Variants in SLC23A2 observed in about 807,000 individuals in gnomAD.
SLC23A2 encodes the protein Na(+)/L-ascorbic acid transporter 2.
Under a neutral mutation model 73.3 loss-of-function variants are expected in SLC23A2, and 36 were observed. That is an observed-to-expected ratio of 0.49 (90% CI 0.38 to 0.65). The LOEUF (loss-of-function observed/expected upper bound fraction) is 0.65. SLC23A2 is among the 30% of genes least tolerant of loss of function. The probability of loss-of-function intolerance (pLI) is 0.00; values close to 1 mark genes in which losing one functional copy is unlikely to be tolerated. For missense variants in SLC23A2, 507 were observed against 841.6 expected (o/e 0.60, Z 4.92); for synonymous variants, 343 against 327.3 (o/e 1.05, Z -0.52).
chr20:4,980,826 C>T (rs1044063280), intron 1 of SLC23A2, among the ~76,000 whole-genome samples: 3 of 152,108 alleles, frequency 2.0e-5, no homozygotes, highest in Admixed American at 6.6e-5. Flanking sequence ...GCCACCGCGC[C>T]CAGCCACAGT....
At chr20:4,988,998 A>G (rs1291359323) in intron 1 of SLC23A2, among the ~76,000 whole-genome samples, 1 of 152,012 alleles carries the variant, frequency 6.6e-6, no homozygotes, top group East Asian at 1.9e-4. Flanking sequence ...GCACTTTGGG[A>G]GGCCGAGGCG....
At chr20:4,873,384 GAATGT>G (rs1227679573) in intron 11 of SLC23A2, among the ~76,000 whole-genome samples, 3 of 152,070 alleles carry the variant, frequency 2.0e-5, no homozygotes, top group Non-Finnish European at 4.4e-5. Flanking sequence ...CCCAGCTAGG[GAATGT>G]ATTCACACCC....
At chr20:4,913,576 A>G (rs1000431129) in intron 3 of SLC23A2, among the ~76,000 whole-genome samples, 10 of 152,196 alleles carry the variant, frequency 6.6e-5, no homozygotes, top group African/African-American at 2.4e-4. Flanking sequence ...ACTGTTTATA[A>G]TAACAAATAA....
chr20:4,866,551 T>C (rs1930208508), intron 13 of SLC23A2, among the ~76,000 whole-genome samples: 1 of 152,146 alleles, frequency 6.6e-6, no homozygotes, highest in Non-Finnish European at 1.5e-5. Flanking sequence ...TCAGACAACC[T>C]TCCCTCACAT....
At chr20:4,977,239 T>G (rs74907201) in intron 1 of SLC23A2, among the ~76,000 whole-genome samples, 1 of 152,194 alleles carries the variant, frequency 6.6e-6, no homozygotes, top group Admixed American at 6.6e-5. Context: ...TTTATGAACA[T>G]GACTTCTTCA....
chr20:4,874,121 G>C, intron 10 of SLC23A2, 29 bp from the exon 11 acceptor site: 1 of 1,602,664 alleles, frequency 6.2e-7, no homozygotes. Context: ...AGCTCTGTCA[G>C]GCCAGCAGGG....
chr20:4,882,897 G>A (rs1447491841), intron 9 of SLC23A2, among the ~76,000 whole-genome samples: 1 of 152,142 alleles, frequency 6.6e-6, no homozygotes, highest in Non-Finnish European at 1.5e-5. Context: ...TTAAATTCCA[G>A]AGTAATGGAA....
chr20:4,918,535 A>G (rs1381062371), intron 3 of SLC23A2, among the ~76,000 whole-genome samples: 2 of 152,188 alleles, frequency 1.3e-5, no homozygotes, highest in Non-Finnish European at 2.9e-5. Flanking sequence ...CAATGGTATT[A>G]AAGTACTTAT....
chr20:4,980,529 TTTC>T (rs2087709536), intron 1 of SLC23A2, among the ~76,000 whole-genome samples: 1 of 151,918 alleles, frequency 6.6e-6, no homozygotes. Context: ...TTACTTTCTT[TTTC>T]TTTTCTTTTT....
intron 3 of SLC23A2, among the ~76,000 whole-genome samples, chr20:4,923,169 G>A (rs1407323183): frequency 6.6e-6 from 1 of 151,266 alleles, no homozygotes; most frequent in African/African-American, 2.4e-5. Context: ...CACTTTGGGA[G>A]GCCAAGGTGG....
chr20:4,985,881 T>G (rs2087818097), intron 1 of SLC23A2, among the ~76,000 whole-genome samples: 1 of 152,074 alleles, frequency 6.6e-6, no homozygotes, highest in South Asian at 2.1e-4. Flanking sequence ...AGCCAGATGG[T>G]AGTGGTTATG....
At chr20:4,988,594 G>A (rs941214092) in intron 1 of SLC23A2, among the ~76,000 whole-genome samples, 1 of 151,936 alleles carries the variant, frequency 6.6e-6, no homozygotes, top group Non-Finnish European at 1.5e-5. Flanking sequence ...AAATTTGCCA[G>A]GCATGGTGGC....
chr20:4,891,984 G>C (rs1383878080), intron 6 of SLC23A2, among the ~76,000 whole-genome samples: 2 of 152,008 alleles, frequency 1.3e-5, no homozygotes, highest in African/African-American at 4.8e-5. Context: ...GAACTTCGGG[G>C]CTCAAGTGAT....
rs66936551 is a variant in SLC23A2 at position 4,859,244 on chromosome 20, T to TA, written c.1720+44dup. 4,442 of 1,114,486 alleles carry TA rather than the reference T, an allele frequency of 4.0e-3. 34 individuals are homozygous for TA. Among genetic ancestry groups the TA allele is most frequent in the African/African-American group, 0.017 (928 of 53,774 alleles). The allele number at this position is 1,114,486 out of a possible 1,614,324, so 69.0% of individuals were successfully genotyped here. ...TTGGCAAAAAAAGTAACACATATGT[T>TA]AAAAAATAAAAAAAAAAAAAGTGTG... On this transcript the variant is annotated intron_variant, in intron 16 of 16. Transcript: ENST00000338244.
chr20:4,899,476 C>T lies in SLC23A2; in HGVS notation c.482+79G>A. The T allele has an allele frequency of 1.3e-6, 2 of 1,518,224 alleles. No homozygotes were observed. Among genetic ancestry groups the T allele is most frequent in the Non-Finnish European group, 1.8e-6 (2 of 1,100,456 alleles). The allele number at this position is 1,518,224 out of a possible 1,614,324, so 94.0% of individuals were successfully genotyped here. A position where few individuals can be genotyped will look rare whatever the true frequency, so the allele number is the denominator to read the frequency against. Reference sequence around the variant, plus strand: ...TTCTGTCCTTGCCAACAGCCCTAGGCAAACGGCGCAGCTCAATGCCTTCTG... The same window carrying T: ...TTCTGTCCTTGCCAACAGCCCTAGGTAAACGGCGCAGCTCAATGCCTTCTG... On this transcript the variant is annotated intron_variant, in intron 6 of 16. Transcript: ENST00000338244. The surrounding 1 kb of genome is among the most constrained non-coding windows in gnomAD (Gnocchi z 4.9).
Position 4,872,244 on chromosome 20 carries a change from GA to G in SLC23A2, c.1102+1691del, listed in dbSNP as rs1600086614. Among the ~76,000 whole-genome samples, 1 of 152,164 alleles carries G rather than the reference GA, an allele frequency of 6.6e-6. No individual in the cohort carries two copies. Among genetic ancestry groups the G allele is most frequent in the Non-Finnish European group, 1.5e-5 (1 of 68,018 alleles). On this transcript the variant is annotated intron_variant, in intron 11 of 16. Coordinates refer to ENST00000338244, the MANE Select transcript of SLC23A2 (RefSeq NM_005116.6). The surrounding 1 kb of genome is among the most constrained non-coding windows in gnomAD (Gnocchi z 4.4). ...GTATTCAAAAGCCCCTCTCTGGCTTGAGACAAAGCACTGGAGAGTACTACAT... is the reference window on the plus strand; with the variant it reads ...GTATTCAAAAGCCCCTCTCTGGCTTGGACAAAGCACTGGAGAGTACTACAT...
intron 1 of SLC23A2, among the ~76,000 whole-genome samples, chr20:5,007,629 C>A (rs1038215616): frequency 2.6e-5 from 4 of 152,154 alleles, no homozygotes; most frequent in Non-Finnish European, 5.9e-5. Flanking sequence ...AATTTTAGAA[C>A]ATTTTTATCA....
intron 1 of SLC23A2, among the ~76,000 whole-genome samples, chr20:4,973,808 T>A (rs933986943): frequency 6.6e-6 from 1 of 152,152 alleles, no homozygotes; most frequent in Non-Finnish European, 1.5e-5. Flanking sequence ...CCACATGACT[T>A]TCCCCCATCA....
intron 3 of SLC23A2, among the ~76,000 whole-genome samples, chr20:4,913,402 G>C (rs2122896588): frequency 6.6e-6 from 1 of 152,272 alleles, no homozygotes; most frequent in South Asian, 2.1e-4. Flanking sequence ...CCAGCCCACT[G>C]GAGAACACTC....
Sources: gnomAD v4.1 joint callset for allele counts (sites outside exome capture counted in the v4.1 genomes callset) on GRCh38, gnomAD v4.1.1 for gene constraint, Gnocchi (gnomAD v3.1) non-coding constraint, MANE v1.5 for transcripts, NCBI Gene and HGNC (gene_info 2026-07-23, HGNC 2026-07-21) for gene names.